TP63: variants seen among roughly 807,000 people sequenced by gnomAD.
TP63 encodes the protein tumor protein 63.
Under a neutral mutation model 82.8 loss-of-function variants are expected in TP63, and 17 were observed. That is an observed-to-expected ratio of 0.21 (90% CI 0.14 to 0.31). The LOEUF (loss-of-function observed/expected upper bound fraction) is 0.31. TP63 is among the 10% of genes least tolerant of loss of function. The pLI is 1.00. For synonymous variants in TP63, 330 were observed against 321.7 expected (o/e 1.03, Z -0.28); for missense variants, 648 against 895.3 (o/e 0.72, Z 3.52).
intron 10 of TP63, among the ~76,000 whole-genome samples, chr3:189,884,268 G>A (rs1027031583): frequency 3.9e-5 from 6 of 152,196 alleles, no homozygotes; most frequent in African/African-American, 1.4e-4. Context: ...CTTTGAAAAG[G>A]TTCCCCCACA....
At chr3:189,806,395 G>A (rs1726909966) in intron 3 of TP63, among the ~76,000 whole-genome samples, 1 of 152,162 alleles carries the variant, frequency 6.6e-6, no homozygotes, top group Non-Finnish European at 1.5e-5. Context: ...GTGCCTTTGG[G>A]AGCATTATCT....
At chr3:189,630,322 T>C (rs1729413509), upstream of TP63, among the ~76,000 whole-genome samples, 1 of 152,122 alleles carries the variant, frequency 6.6e-6, no homozygotes. Context: ...TTGGAGTCTA[T>C]CCTAACTGAG....
intron 10 of TP63, among the ~76,000 whole-genome samples, chr3:189,884,217 G>A (rs1720206161): frequency 6.6e-6 from 1 of 152,168 alleles, no homozygotes; most frequent in Admixed American, 6.5e-5. Context: ...ACTCTGATGT[G>A]GACTAATGGA....
At chr3:189,749,494 C>A (rs1428857456) in intron 3 of TP63, among the ~76,000 whole-genome samples, 5 of 152,126 alleles carry the variant, frequency 3.3e-5, no homozygotes, top group Non-Finnish European at 7.4e-5. Context: ...AATGAGATAT[C>A]ATCTTATGCC....
chr3:189,791,588 T>A (rs1257966604), intron 3 of TP63, among the ~76,000 whole-genome samples: 1 of 152,148 alleles, frequency 6.6e-6, no homozygotes, highest in African/African-American at 2.4e-5. Context: ...TCTATTGGAA[T>A]GCTGCTAAGG....
intron 3 of TP63, among the ~76,000 whole-genome samples, chr3:189,743,587 G>T (rs996523601): frequency 2.0e-5 from 3 of 152,088 alleles, no homozygotes; most frequent in South Asian, 4.1e-4. Flanking sequence ...AAAATGGTAA[G>T]TCCAGGTAAA....
chr3:189,775,694 G>T (rs924041337), intron 3 of TP63, among the ~76,000 whole-genome samples: 17 of 151,792 alleles, frequency 1.1e-4, no homozygotes, highest in Admixed American at 9.8e-4. Context: ...TCTTTTTTAA[G>T]GCCCAAACAT....
At chr3:189,603,956 C>T in the TP63 span, among the ~76,000 whole-genome samples, 1 of 152,064 alleles carries the variant, frequency 6.6e-6, no homozygotes, top group Admixed American at 6.6e-5. Context: ...ACACTCCAGC[C>T]AAGTTTCTAT....
chr3:189,662,577 A>C (rs750712331), intron 1 of TP63, among the ~76,000 whole-genome samples: 6 of 152,118 alleles, frequency 3.9e-5, no homozygotes, highest in Non-Finnish European at 8.8e-5. Context: ...GATCTTCTGA[A>C]TAAACATCTA....
At chr3:189,880,954 C>T (rs1719844782) in intron 10 of TP63, 1 of 985,374 alleles carries the variant, frequency 1.0e-6, no homozygotes, top group Non-Finnish European at 1.2e-6. Context: ...TGTTTGGCCC[C>T]CATAGCAGGT....
At chr3:189,851,743 T>C (rs566753300) in intron 4 of TP63, among the ~76,000 whole-genome samples, 1 of 152,050 alleles carries the variant, frequency 6.6e-6, no homozygotes, top group East Asian at 1.9e-4. Flanking sequence ...AGAAATAAGT[T>C]GTGAAAATGG....
chr3:189,621,771 C>G, the TP63 span, among the ~76,000 whole-genome samples: 1 of 151,940 alleles, frequency 6.6e-6, no homozygotes, highest in East Asian at 1.9e-4. Flanking sequence ...AATGGTAATT[C>G]AGTTCCATGG....
chr3:189,764,641 T>G (rs1173149098), intron 3 of TP63, among the ~76,000 whole-genome samples: 1 of 152,134 alleles, frequency 6.6e-6, no homozygotes, highest in East Asian at 1.9e-4. Context: ...ATCCATTGTG[T>G]TTAGGAAAGA....
chr3:189,827,086 G>T (rs1275009515), intron 4 of TP63, among the ~76,000 whole-genome samples: 1 of 152,176 alleles, frequency 6.6e-6, no homozygotes, highest in Non-Finnish European at 1.5e-5. Context: ...ACTGAGCAGG[G>T]CCTTGATAAA....
intron 4 of TP63, among the ~76,000 whole-genome samples, chr3:189,839,924 T>C (rs1256330226): frequency 1.3e-5 from 2 of 152,174 alleles, no homozygotes; most frequent in African/African-American, 4.8e-5. Context: ...TGGAGTTGAA[T>C]CTGGCTTAGT....
At chr3:189,891,311 G>C (rs74842599) in intron 13 of TP63, among the ~76,000 whole-genome samples, 32,107 of 152,186 alleles carry the variant, frequency 0.21, 3,665 homozygotes, top group South Asian at 0.31. Context: ...CATTTGCCAT[G>C]ACTATTTAAA....
intron 3 of TP63, among the ~76,000 whole-genome samples, chr3:189,782,752 G>A (rs1224682661): frequency 1.3e-5 from 2 of 152,068 alleles, no homozygotes. Context: ...TCTTTCCAAA[G>A]TAGACCAGTC....
intron 1 of TP63, among the ~76,000 whole-genome samples, chr3:189,716,191 GTTACTGACC>G: frequency 6.6e-6 from 1 of 152,110 alleles, no homozygotes; most frequent in Non-Finnish European, 1.5e-5. Flanking sequence ...CAATGCATCC[GTTACTGACC>G]TTTGTATTCT....
At chr3:189,634,478 T>A (rs202145881) in intron 1 of TP63, among the ~76,000 whole-genome samples, 3 of 894 alleles carry the variant, frequency 3.4e-3, no homozygotes, top group African/African-American at 3.4e-3. Flanking sequence ...TCATCCTCTG[T>A]TTTTTTTCCT....
Sources: gnomAD v4.1 joint callset for allele counts (sites outside exome capture counted in the v4.1 genomes callset) on GRCh38, gnomAD v4.1.1 for gene constraint, MANE v1.5 for transcripts, NCBI Gene and HGNC (gene_info 2026-07-23, HGNC 2026-07-21) for gene names.